The following PKD1L1 variants were observed in gnomAD, a reference collection of about 807,000 sequenced individuals.
PKD1L1 encodes polycystin 1 like 1, transient receptor potential channel interacting.
A neutral mutation model predicts 323.4 loss-of-function variants in PKD1L1; 236 were observed. The observed-to-expected ratio is 0.73, with a 90% CI of 0.66 to 0.81. PKD1L1 has a LOEUF of 0.81. Among genes scored for constraint, PKD1L1 ranks in the 40% least tolerant of loss-of-function variants. The probability of loss-of-function intolerance (pLI) is 0.00; values close to 1 mark genes in which losing one functional copy is unlikely to be tolerated. For missense variants in PKD1L1, 3,320 were observed against 3,508.0 expected (o/e 0.95, Z 1.35); for synonymous variants, 1,344 against 1,335.0 (o/e 1.01, Z -0.15).
intron 56 of PKD1L1, 72 bp downstream of exon 56, chr7:47,792,555 C>T: frequency 7.0e-7 from 1 of 1,433,672 alleles, no homozygotes; most frequent in South Asian, 1.4e-5. Context: ...GGAAAAACAA[C>T]TATTCCAAAA....
In PKD1L1 at chr7:47,898,063, A is replaced by C. The variant is rs543832083; in HGVS notation, c.2196T>G (p.Ala732=). ...SEGLPVSLPA[A]VDTHRQTLIL... is the part of the protein sequence containing the mutation. ...TGAGGGTCTGTCTGTGAGTGTCCAC[A>C]GCAGCAGGGAGGGAGACAGGGAGCC... The change falls in exon 14 of 57, where the codon GCT becomes GCG. Residue 732 remains alanine, a synonymous_variant. Coordinates refer to ENST00000289672, the MANE Select transcript of PKD1L1 (RefSeq NM_138295.5). The C allele has an allele frequency of 1.2e-6, 2 of 1,613,964 alleles. No homozygotes were observed. The highest frequency in any genetic ancestry group is 1.7e-6 in the Non-Finnish European group (2 of 1,180,032).
rs112152952 is a variant in PKD1L1 at position 47,833,331 on chromosome 7, T to C, written c.6175-79A>G. On this transcript the variant is annotated intron_variant, in intron 40 of 56. Transcript: ENST00000289672. Reference sequence around the variant, plus strand: ...CGTGACGCTCAACAGTGGTGTGGCTTGCCGCCTTCTCAGAGGACAGGCCTG... The same window carrying C: ...CGTGACGCTCAACAGTGGTGTGGCTCGCCGCCTTCTCAGAGGACAGGCCTG... 71 of 1,484,222 alleles carry C rather than the reference T, an allele frequency of 4.8e-5. 1 individual carries two copies. The Middle Eastern group carries it at 1.5e-3, about 32-fold the overall frequency. 91.9% of individuals were successfully genotyped at this position (1,484,222 alleles called of 1,614,324 possible).
intron 21 of PKD1L1, among the ~76,000 whole-genome samples, chr7:47,879,864 C>T (rs1328354380): frequency 1.4e-4 from 17 of 124,890 alleles, no homozygotes; most frequent in Admixed American, 7.6e-5. Context: ...ACCTGGGAGG[C>T]AGAGCTTGCG....
chr7:47,813,355 G>A (rs749943471), intron 48 of PKD1L1, 62 bp from the exon 49 acceptor site: 10 of 1,563,166 alleles, frequency 6.4e-6, no homozygotes, highest in African/African-American at 2.7e-5. Context: ...CCTGCAATCC[G>A]GGGTCTCCAG....
At chr7:47,888,288 A>G (rs1786728215) in intron 16 of PKD1L1, 138 bp from the exon 17 acceptor site, 2 of 842,116 alleles carry the variant, frequency 2.4e-6, no homozygotes, top group African/African-American at 1.7e-5. Context: ...GTCACAGCAC[A>G]TATGATGGCA....
intron 46 of PKD1L1, chr7:47,818,077 C>T: frequency 1.5e-6 from 2 of 1,367,740 alleles, no homozygotes; most frequent in South Asian, 2.3e-5. Flanking sequence ...CAAGTTTTGT[C>T]AAACTATCAA....
chr7:47,899,968 A>T (rs1188619026), intron 13 of PKD1L1, among the ~76,000 whole-genome samples: 1 of 151,876 alleles, frequency 6.6e-6, no homozygotes. Context: ...AAAAAAAAAA[A>T]ATCGGAAAGG....
At chr7:47,849,391 AATCAGC>A (rs1785732015) in intron 31 of PKD1L1, among the ~76,000 whole-genome samples, 1 of 152,202 alleles carries the variant, frequency 6.6e-6, no homozygotes. Context: ...CAAAAGAAAT[AATCAGC>A]AGAGTAAGCA....
chr7:47,885,728 C>T lies in PKD1L1; in HGVS notation c.3163G>A (p.Glu1055Lys). Reference protein sequence around the residue: ...SKGSLMTGRSERSQPTHSPDP... With the variant: ...SKGSLMTGRSKRSQPTHSPDP... Reference sequence around the variant, plus strand: ...GGGCTGTGGGTGGGCTGACTTCTCTCAGAGCGGCCAGTCATCAGGGATCCC... The same window carrying T: ...GGGCTGTGGGTGGGCTGACTTCTCTTAGAGCGGCCAGTCATCAGGGATCCC... Residue 1055 changes from glutamate to lysine, a missense_variant, in exon 18 of 57, where the codon GAG (glutamate) becomes AAG (lysine). Coordinates refer to ENST00000289672, the MANE Select transcript of PKD1L1 (RefSeq NM_138295.5). 1 of 1,614,060 alleles carries T rather than the reference C, an allele frequency of 6.2e-7. No individual in the cohort carries two copies. The highest frequency in any genetic ancestry group is 8.5e-7 in the Non-Finnish European group (1 of 1,179,952).
At chr7:47,892,295 G>A (rs1168436087) in intron 15 of PKD1L1, among the ~76,000 whole-genome samples, 4 of 152,184 alleles carry the variant, frequency 2.6e-5, no homozygotes, top group African/African-American at 9.7e-5. Context: ...AGCTGCAGAA[G>A]GAACCCTTGC....
intron 47 of PKD1L1, 135 bp downstream of exon 47, chr7:47,815,199 G>A (rs1424548324): frequency 1.7e-6 from 2 of 1,177,284 alleles, no homozygotes. Context: ...ACCCACTGGA[G>A]AGCCACCGGC....
chr7:47,807,343 T>C (rs923106635), intron 52 of PKD1L1, among the ~76,000 whole-genome samples: 50 of 152,230 alleles, frequency 3.3e-4, no homozygotes, highest in African/African-American at 1.2e-3. Context: ...TCATCCTGCC[T>C]GGTTCTCCTT....
chr7:47,786,182 A>T (rs1390343878), intron 56 of PKD1L1, among the ~76,000 whole-genome samples: 1 of 152,244 alleles, frequency 6.6e-6, no homozygotes, highest in African/African-American at 2.4e-5. Flanking sequence ...AACTATAACT[A>T]CAAAAACTTC....
chr7:47,776,885 TTTTA>T (rs947796433), intron 56 of PKD1L1, among the ~76,000 whole-genome samples: 1 of 151,982 alleles, frequency 6.6e-6, no homozygotes, highest in South Asian at 2.1e-4. Context: ...TCTTTTTTAT[TTTTA>T]TTTATTTATT....
intron 45 of PKD1L1, among the ~76,000 whole-genome samples, chr7:47,825,648 T>C (rs1785228226): frequency 6.6e-6 from 1 of 152,204 alleles, no homozygotes; most frequent in Non-Finnish European, 1.5e-5. Context: ...CTTTCTCTTC[T>C]TCAAGTTTTA....
At chr7:47,801,231 C>T (rs1381347500) in intron 53 of PKD1L1, among the ~76,000 whole-genome samples, 2 of 152,154 alleles carry the variant, frequency 1.3e-5, no homozygotes, top group African/African-American at 4.8e-5. Flanking sequence ...CCATGGTTGC[C>T]ATGAGGGGGC....
In PKD1L1 at chr7:47,813,578, C is replaced by T. The variant is rs148597650; in HGVS notation, c.7174-285G>A. ...CCATCATGAGATGCCAGGTAAAATG[C>T]CTGTCTCAGGGCATACCCTCCCCAT... On this transcript the variant is annotated intron_variant, in intron 48 of 56. Coordinates refer to ENST00000289672, the MANE Select transcript of PKD1L1 (RefSeq NM_138295.5). 296 of 670,450 alleles carry T rather than the reference C, an allele frequency of 4.4e-4. No homozygotes were observed. The African/African-American group carries it at 4.4e-3, about 10-fold the overall frequency. 41.5% of individuals were successfully genotyped at this position (670,450 alleles called of 1,614,324 possible).
At chr7:47,806,294 T>A (rs1784776283) in intron 52 of PKD1L1, among the ~76,000 whole-genome samples, 1 of 152,224 alleles carries the variant, frequency 6.6e-6, no homozygotes, top group Non-Finnish European at 1.5e-5. Context: ...AATCAGTGAC[T>A]AATCAGATGC....
intron 52 of PKD1L1, among the ~76,000 whole-genome samples, chr7:47,807,425 C>A (rs1190617817): frequency 6.6e-6 from 1 of 152,030 alleles, no homozygotes; most frequent in African/African-American, 2.4e-5. Flanking sequence ...GAGAAGGGGC[C>A]TGAAGATGGA....
Sources: allele counts gnomAD v4.1 joint callset (sites outside exome capture counted in the v4.1 genomes callset), GRCh38; gene constraint gnomAD v4.1.1; transcripts MANE v1.5; gene names NCBI Gene and HGNC (gene_info 2026-07-23, HGNC 2026-07-21).